The following HIP1 variants were observed in gnomAD, a reference collection of about 807,000 sequenced individuals.
The protein encoded by HIP1 is huntingtin-interacting protein 1.
In HIP1, 65 loss-of-function variants were observed where a neutral mutation model predicts 147.6. The observed-to-expected ratio is 0.44, with a 90% CI of 0.36 to 0.54. The LOEUF (loss-of-function observed/expected upper bound fraction) is 0.54. Among genes scored for constraint, HIP1 ranks in the 20% least tolerant of loss-of-function variants. The probability of loss-of-function intolerance (pLI) is 0.00; values close to 1 mark genes in which losing one functional copy is unlikely to be tolerated. For missense variants in HIP1, 1,061 were observed against 1,299.6 expected, an observed-to-expected ratio of 0.82 and a Z score of 2.82; for synonymous variants, 479 against 504.0, an observed-to-expected ratio of 0.95 and a Z score of 0.67.
intron 22 of HIP1, among the ~76,000 whole-genome samples, chr7:75,550,064 G>A (rs1233689589): frequency 6.6e-6 from 1 of 152,094 alleles, no homozygotes; most frequent in Admixed American, 6.6e-5. Context: ...TTCCTACTGT[G>A]CAGATAGGAA....
At chr7:75,581,383 C>T in intron 6 of HIP1, 85 bp from the exon 7 acceptor site, 1 of 947,066 alleles carries the variant, frequency 1.1e-6, no homozygotes, top group Non-Finnish European at 1.7e-6. Context: ...CTACGCTACT[C>T]CAGTCTCCAA....
intron 1 of HIP1, among the ~76,000 whole-genome samples, chr7:75,671,773 C>CTG (rs1435933785): frequency 6.6e-6 from 1 of 151,634 alleles, no homozygotes; most frequent in African/African-American, 2.4e-5. Flanking sequence ...GAGTCTCGCT[C>CTG]TACCAGGCTG....
At chr7:75,669,862 C>A (rs1554515068) in intron 1 of HIP1, among the ~76,000 whole-genome samples, 1 of 152,120 alleles carries the variant, frequency 6.6e-6, no homozygotes, top group African/African-American at 2.4e-5. Flanking sequence ...AGTGCAATGG[C>A]ACGATCTCGG....
At chr7:75,644,062 G>A (rs1554510791) in intron 1 of HIP1, among the ~76,000 whole-genome samples, 1 of 152,080 alleles carries the variant, frequency 6.6e-6, no homozygotes, top group African/African-American at 2.4e-5. Flanking sequence ...GGCCCTGGAG[G>A]TAGACAGATC....
intron 13 of HIP1, among the ~76,000 whole-genome samples, chr7:75,560,544 G>A (rs1004303263): frequency 6.6e-6 from 1 of 152,124 alleles, no homozygotes; most frequent in Non-Finnish European, 1.5e-5. Context: ...GAGCCACTGT[G>A]CCCGGCAAAC....
intron 4 of HIP1, among the ~76,000 whole-genome samples, chr7:75,589,246 A>G (rs1333141997): frequency 3.3e-5 from 5 of 152,270 alleles, no homozygotes; most frequent in African/African-American, 1.2e-4. Flanking sequence ...AACACATTAG[A>G]CCCAACTGGA....
At chr7:75,734,690 G>A (rs184996590) in intron 1 of HIP1, among the ~76,000 whole-genome samples, 342 of 152,208 alleles carry the variant, frequency 2.2e-3, no homozygotes, top group African/African-American at 8.1e-3. Flanking sequence ...TAGTTCAGAG[G>A]AGGGAGTGGC....
At chr7:75,674,341 T>A (rs1489098967) in intron 1 of HIP1, among the ~76,000 whole-genome samples, 1 of 152,198 alleles carries the variant, frequency 6.6e-6, no homozygotes, top group African/African-American at 2.4e-5. Context: ...TGGGTTTTTT[T>A]GTTTTTGGTA....
At chr7:75,584,694 T>TCTATCAGC (rs1796187886) in intron 5 of HIP1, among the ~76,000 whole-genome samples, 1 of 152,076 alleles carries the variant, frequency 6.6e-6, no homozygotes, top group Admixed American at 6.6e-5. Flanking sequence ...CCCTTTGGCC[T>TCTATCAGC]CTATCAGCCC....
rs1443001949 is a variant in HIP1, at chr7:75,668,205, C to T, written c.121-68958G>A. On this transcript the variant is annotated intron_variant, in intron 1 of 30. Coordinates refer to ENST00000336926, the MANE Select transcript of HIP1 (RefSeq NM_005338.7). ...AAAGTCAGATCAGTTTTCCAAAATG[C>T]CTTCCCCTGAACTCATATTCCCTCT... 2.0e-5 allele frequency among the ~76,000 whole-genome samples: 3 copies of T among 152,202 alleles called. No homozygotes were observed. The East Asian group carries it at 5.8e-4, about 29-fold the overall frequency.
chr7:75,540,666 AT>A (rs1416603905), intron 29 of HIP1, among the ~76,000 whole-genome samples: 6 of 152,094 alleles, frequency 3.9e-5, no homozygotes, highest in Non-Finnish European at 5.9e-5. Context: ...AACAATTCCA[AT>A]TTGAAATTCA....
At position 75,558,049 on chromosome 7, in the gene HIP1, G is replaced by A. The variant is rs752675677; in HGVS notation, c.1464+118C>T. The A allele has an allele frequency of 1.5e-5, 12 of 805,786 alleles. No homozygotes were observed. In the Admixed American group the frequency reaches 1.7e-4, roughly 11 times the overall value. The allele number at this position is 805,786 out of a possible 1,614,324, so 49.9% of individuals were successfully genotyped here. A position where few individuals can be genotyped will look rare whatever the true frequency, so the allele number is the denominator to read the frequency against. ...GAAAAGGTGTGGTTCCCGAGATGAC[G>A]GCAATGCCTTAGAGATCAATGTAGG... On this transcript the variant is annotated intron_variant, in intron 15 of 30. Transcript: ENST00000336926.
rs187413765 is a variant in HIP1, at chr7:75,605,693, G to A, written c.121-6446C>T. ...GATTATAATAGTTGCACATTACCAC[G>A]CCTGGCTAATTTTTGTATTTTTAGT... On this transcript the variant is annotated intron_variant, in intron 1 of 30. Transcript: ENST00000336926. Among the ~76,000 whole-genome samples, 620 of 152,168 alleles carry A rather than the reference G, an allele frequency of 4.1e-3. 9 individuals carry two copies. The highest frequency in any genetic ancestry group is 0.014 in the African/African-American group (588 of 41,524).
intron 1 of HIP1, among the ~76,000 whole-genome samples, chr7:75,685,193 G>A (rs1800216949): frequency 1.3e-5 from 2 of 152,046 alleles, no homozygotes; most frequent in South Asian, 2.1e-4. Flanking sequence ...TGGGAGGATC[G>A]CTTGAGCCCA....
chr7:75,663,763 G>A (rs1367107046), intron 1 of HIP1, among the ~76,000 whole-genome samples: 1 of 150,944 alleles, frequency 6.6e-6, no homozygotes, highest in Non-Finnish European at 1.5e-5. Context: ...GGGAATGGAA[G>A]GGAGTGGGAG....
chr7:75,698,895 A>G (rs6964389), intron 1 of HIP1, among the ~76,000 whole-genome samples: 83,513 of 151,796 alleles, frequency 0.55, 23,712 homozygotes, highest in African/African-American at 0.68. Context: ...ACTTGTAGGT[A>G]AAAATAAAAC....
chr7:75,553,019 A>T (rs1554492413), intron 22 of HIP1, among the ~76,000 whole-genome samples: 1 of 150,506 alleles, frequency 6.6e-6, no homozygotes, highest in African/African-American at 2.4e-5. Context: ...GTGCACTGCA[A>T]CCTCCACCTC....
intron 1 of HIP1, among the ~76,000 whole-genome samples, chr7:75,721,124 C>A (rs1285434431): frequency 2.0e-5 from 3 of 151,926 alleles, no homozygotes; most frequent in Admixed American, 6.6e-5. Flanking sequence ...CACCTGTAAT[C>A]CCAGCACTTT....
At chr7:75,597,785 A>C (rs2116999937) in intron 2 of HIP1, among the ~76,000 whole-genome samples, 1 of 149,886 alleles carries the variant, frequency 6.7e-6, no homozygotes, top group Non-Finnish European at 1.5e-5. Flanking sequence ...CCGGAACTCC[A>C]CCTTGCTCTG....
Sources: gnomAD v4.1 joint callset for allele counts (sites outside exome capture counted in the v4.1 genomes callset) on GRCh38, gnomAD v4.1.1 for gene constraint, MANE v1.5 for transcripts, NCBI Gene and HGNC (gene_info 2026-07-23, HGNC 2026-07-21) for gene names.